NSUN6: variants seen among roughly 807,000 people sequenced by gnomAD.
NSUN6 encodes the protein tRNA (cytosine(72)-C(5))-methyltransferase NSUN6.
NSUN6 carries 64 observed loss-of-function variants against 58.0 expected under a neutral mutation model. The ratio of observed to expected loss-of-function variants is 1.10; its 90% CI spans 0.90 to 1.36. The LOEUF is 1.36. Ranked by LOEUF, NSUN6 falls within the 40% of genes most tolerant of loss-of-function variation. The probability of loss-of-function intolerance (pLI) is 0.00; values close to 1 mark genes in which losing one functional copy is unlikely to be tolerated. For missense variants in NSUN6, 701 were observed against 550.1 expected (o/e 1.27, Z -2.74); for synonymous variants, 231 against 193.9 (o/e 1.19, Z -1.59).
intron 8 of NSUN6, among the ~76,000 whole-genome samples, chr10:18,574,369 T>C (rs1025249546): frequency 1.3e-5 from 2 of 152,098 alleles, no homozygotes; most frequent in South Asian, 4.1e-4. Flanking sequence ...AAAAGAATGA[T>C]TTAACATAGA....
intron 6 of NSUN6, among the ~76,000 whole-genome samples, chr10:18,602,455 C>T (rs1390516880): frequency 6.6e-6 from 1 of 152,054 alleles, no homozygotes; most frequent in Non-Finnish European, 1.5e-5. Context: ...AGGATGGTCT[C>T]GATCTCCTGA....
intron 8 of NSUN6, among the ~76,000 whole-genome samples, chr10:18,563,056 T>G (rs2055654546): frequency 6.9e-6 from 1 of 144,230 alleles, no homozygotes; most frequent in South Asian, 2.2e-4. Flanking sequence ...AATGGAGAAT[T>G]GATTGGAATG....
intron 8 of NSUN6, among the ~76,000 whole-genome samples, chr10:18,568,265 A>G (rs1247059862): frequency 6.7e-6 from 1 of 150,010 alleles, no homozygotes; most frequent in Non-Finnish European, 1.5e-5. Flanking sequence ...ACTCCATACC[A>G]TTCTCCATTC....
At chr10:18,652,944 G>A (rs1253380021), upstream of NSUN6, 1 of 984,402 alleles carries the variant, frequency 1.0e-6, no homozygotes, top group East Asian at 1.1e-4. Context: ...CCAGGATAAA[G>A]ACTAGTAATT....
rs184198306 is a variant in NSUN6 at position 18,622,803 on chromosome 10, T to G, written c.312-6510A>C. On this transcript the variant is annotated intron_variant, in intron 3 of 10. Transcript: ENST00000377304. ...AGATTTATGCTGTTGAATTACATAT[T>G]CAATTGTGAAAGAAAGGAAGAAAGT... is the stretch of plus-strand genomic sequence containing the variant. Among the ~76,000 whole-genome samples the G allele has an allele frequency of 2.2e-4, 33 of 152,338 alleles. 1 individual carries two copies. The highest frequency in any genetic ancestry group is 1.8e-3 in the Admixed American group (27 of 15,304).
chr10:18,622,575 G>A (rs762211153), intron 3 of NSUN6, among the ~76,000 whole-genome samples: 12 of 152,154 alleles, frequency 7.9e-5, no homozygotes, highest in Admixed American at 2.0e-4. Flanking sequence ...TTAGCTCAGC[G>A]TGGTGGCAGA....
rs1195064478 is a variant in NSUN6, at chr10:18,642,533, G to C, written c.254C>G (p.Pro85Arg). 6.5e-7 allele frequency: 1 copy of C among 1,534,486 alleles called. No individual in the cohort carries two copies. The highest frequency in any genetic ancestry group is 9.0e-7 in the Non-Finnish European group (1 of 1,108,544). Residue 85 changes from proline (P) to arginine (R), a missense_variant, in exon 3 of 11, where the codon CCT (proline) becomes CGT (arginine). Transcript: ENST00000377304. ...TTGAAGGTCTGGATGTTGAAGAATAGGAACACTTAATCCATTAAACTGCTG... is the reference window on the plus strand; with the variant it reads ...TTGAAGGTCTGGATGTTGAAGAATACGAACACTTAATCCATTAAACTGCTG... ...LQKQFNGLSV[P>R]ILQHPDLQDV...
At chr10:18,554,304 T>A (rs2054821917) in intron 8 of NSUN6, among the ~76,000 whole-genome samples, 1 of 148,380 alleles carries the variant, frequency 6.7e-6, no homozygotes, top group African/African-American at 2.5e-5. Flanking sequence ...GAGAACAGAA[T>A]GCAATGGAGA....
chr10:18,554,197 T>C (rs2054815232), intron 8 of NSUN6, among the ~76,000 whole-genome samples: 1 of 149,142 alleles, frequency 6.7e-6, no homozygotes, highest in African/African-American at 2.5e-5. Flanking sequence ...GAATGGGGAA[T>C]GGAATGGAAT....
intron 5 of NSUN6, among the ~76,000 whole-genome samples, chr10:18,610,407 T>C (rs2058191181): frequency 6.6e-6 from 1 of 152,184 alleles, no homozygotes; most frequent in African/African-American, 2.4e-5. Flanking sequence ...CTGTGAATTG[T>C]TTTTGAATTT....
intron 8 of NSUN6, among the ~76,000 whole-genome samples, chr10:18,576,599 C>A (rs968438468): frequency 9.9e-5 from 15 of 152,196 alleles, no homozygotes; most frequent in African/African-American, 2.9e-4. Flanking sequence ...AAGTTTGACA[C>A]CCTGCAGGTC....
At chr10:18,552,883 C>G (rs931878646) in intron 8 of NSUN6, among the ~76,000 whole-genome samples, 4 of 151,520 alleles carry the variant, frequency 2.6e-5, no homozygotes, top group African/African-American at 9.7e-5. Flanking sequence ...ATTCTCAATT[C>G]ACCATTCCAT....
chr10:18,658,977 G>C (rs2059808423), upstream of NSUN6, among the ~76,000 whole-genome samples: 1 of 152,228 alleles, frequency 6.6e-6, no homozygotes, highest in Non-Finnish European at 1.5e-5. Context: ...ACAGGAATAA[G>C]TCAGGAAAGA....
At chr10:18,557,515 G>A (rs1288861937) in intron 8 of NSUN6, among the ~76,000 whole-genome samples, 2 of 151,280 alleles carry the variant, frequency 1.3e-5, no homozygotes, top group African/African-American at 2.4e-5. Flanking sequence ...GAATAGAATG[G>A]AAGGGAGAAT....
At position 18,564,430 on chromosome 10, in the gene NSUN6, C is replaced by T. The variant is rs903254377; in HGVS notation, c.923-12459G>A. Among the ~76,000 whole-genome samples, 6 of 151,470 alleles carry T rather than the reference C, an allele frequency of 4.0e-5. 1 individual carries two copies. Among genetic ancestry groups the T allele is most frequent in the Admixed American group, 1.3e-4 (2 of 15,084 alleles). On this transcript the variant is annotated intron_variant, in intron 8 of 10. Transcript: ENST00000377304. ...ATTCCATTCCATTCTCCGTTCCATT[C>T]CATTCCACTCTCTATTCCATTCATA...
At chr10:18,632,571 C>A (rs1346550014) in intron 3 of NSUN6, among the ~76,000 whole-genome samples, 3 of 151,268 alleles carry the variant, frequency 2.0e-5, no homozygotes, top group South Asian at 2.1e-4. Flanking sequence ...AAAAAACAAA[C>A]AACCCCATCA....
At chr10:18,602,523 C>T (rs573491251) in intron 6 of NSUN6, among the ~76,000 whole-genome samples, 101 of 151,904 alleles carry the variant, frequency 6.6e-4, no homozygotes, top group Non-Finnish European at 1.1e-3. Flanking sequence ...CGTAACCCAC[C>T]GCACCCGGCC....
intron 3 of NSUN6, among the ~76,000 whole-genome samples, chr10:18,632,730 G>A (rs946974107): frequency 9.2e-5 from 14 of 152,164 alleles, no homozygotes; most frequent in Non-Finnish European, 1.3e-4. Flanking sequence ...CCGTTAGAAT[G>A]GCAATCATTA....
In NSUN6 at chr10:18,631,247, C is replaced by T. The variant is rs1236268735; in HGVS notation, c.311+11229G>A. Among the ~76,000 whole-genome samples, 12 of 149,358 alleles carry T rather than the reference C, an allele frequency of 8.0e-5. No individual in the cohort carries two copies. The South Asian group carries it at 1.7e-3, about 21-fold the overall frequency. On this transcript the variant is annotated intron_variant, in intron 3 of 10. Coordinates refer to ENST00000377304, the MANE Select transcript of NSUN6 (RefSeq NM_182543.5). ...CTCAATAAATTAGGTATTGATGGGA[C>T]GTATCTCAAAATAATAAGAGCTATC...
Sources: allele counts gnomAD v4.1 joint callset (sites outside exome capture counted in the v4.1 genomes callset), GRCh38; gene constraint gnomAD v4.1.1; transcripts MANE v1.5; gene names NCBI Gene and HGNC (gene_info 2026-07-23, HGNC 2026-07-21).